OTUD4: variants seen among roughly 807,000 people sequenced by gnomAD.
OTUD4 encodes the protein OTU domain-containing protein 4.
A neutral mutation model predicts 130.4 loss-of-function variants in OTUD4; 24 were observed. The ratio of observed to expected loss-of-function variants is 0.18; its 90% CI spans 0.13 to 0.26. The LOEUF is 0.26. OTUD4 is among the 10% of genes least tolerant of loss of function. The pLI, the probability that OTUD4 is intolerant of heterozygous loss-of-function variation, is 1.00. For missense variants in OTUD4, 1,031 were observed against 1,329.4 expected (o/e 0.78, Z 3.49); for synonymous variants, 420 against 472.5 (o/e 0.89, Z 1.44).
chr4:145,171,651 C>G lies in OTUD4; in HGVS notation c.294+19G>C. The G allele has an allele frequency of 1.8e-6, 2 of 1,089,452 alleles. No individual in the cohort carries two copies. Among genetic ancestry groups the G allele is most frequent in the South Asian group, 1.3e-5 (1 of 77,458 alleles). 67.5% of individuals were successfully genotyped at this position (1,089,452 alleles called of 1,614,324 possible). On this transcript the variant is annotated intron_variant, in intron 3 of 20. Transcript: ENST00000447906. The stretch of plus-strand genomic sequence containing the variant: ...TTGGATATATAAAAATAGAAATATA[C>G]TAGAAGACTGTGACATACCTGTGGA...
intron 3 of OTUD4, among the ~76,000 whole-genome samples, chr4:145,166,580 G>C (rs1355063255): frequency 4.6e-5 from 7 of 151,970 alleles, no homozygotes; most frequent in Non-Finnish European, 8.8e-5. Context: ...GGTGGCTCAC[G>C]CCTGTAATCC....
chr4:145,135,204 ACTT>A lies in OTUD4; in HGVS notation c.*2223_*2225del, dbSNP rs1218440755. The stretch of plus-strand genomic sequence containing the variant: ...CATCTGCTAAAATTCTCTTTCAAGC[ACTT>A]CTTCCATCATATCCTAGAGGTGAGA... On this transcript the variant is annotated 3_prime_UTR_variant, in exon 21 of 21. Coordinates refer to ENST00000447906, the MANE Select transcript of OTUD4 (RefSeq NM_001366057.1). 5.0e-6 allele frequency: 1 copy of A among 199,424 alleles called. No individual in the cohort carries two copies. Among genetic ancestry groups the A allele is most frequent in the Non-Finnish European group, 1.0e-5 (1 of 99,444 alleles). The allele number at this position is 199,424 out of a possible 1,614,324, so 12.4% of individuals were successfully genotyped here. A position where few individuals can be genotyped will look rare whatever the true frequency, so the allele number is the denominator to read the frequency against.
At chr4:145,170,132 C>T (rs974349056) in intron 3 of OTUD4, among the ~76,000 whole-genome samples, 1 of 152,222 alleles carries the variant, frequency 6.6e-6, no homozygotes, top group African/African-American at 2.4e-5. Context: ...AGGCCCCAGG[C>T]CCAGAGGCCC....
At chr4:145,179,731 G>A (rs952684762) in intron 1 of OTUD4, 84 bp downstream of exon 1, 11 of 1,441,980 alleles carry the variant, frequency 7.6e-6, no homozygotes, top group Middle Eastern at 2.5e-4. Flanking sequence ...GGGCGGCCCG[G>A]ACAGCCCGCA....
chr4:145,164,277 T>G, intron 4 of OTUD4, 51 bp from the exon 5 acceptor site: 1 of 867,962 alleles, frequency 1.2e-6, no homozygotes, highest in South Asian at 1.6e-5. Context: ...TTCATGAATT[T>G]GAATTTAATC....
At chr4:145,171,800 C>T in intron 2 of OTUD4, 80 bp from the exon 3 acceptor site, 1 of 739,506 alleles carries the variant, frequency 1.4e-6, no homozygotes, top group Non-Finnish European at 2.5e-6. Flanking sequence ...TAAACATTCA[C>T]TGTGAATTAC....
chr4:145,134,162 G>A lies in OTUD4; in HGVS notation c.*3268C>T, dbSNP rs1017169628. On this transcript the variant is annotated 3_prime_UTR_variant, in exon 21 of 21. Coordinates refer to ENST00000447906, the MANE Select transcript of OTUD4 (RefSeq NM_001366057.1). ...ATCCCAATTAGTGGGAGAGTAAATG[G>A]CTGACATTAGTAGCAAAACCTTAGT... is the stretch of plus-strand genomic sequence containing the variant. 2 of 152,588 alleles carry A rather than the reference G, an allele frequency of 1.3e-5. No homozygotes were observed. Among genetic ancestry groups the A allele is most frequent in the African/African-American group, 4.8e-5 (2 of 41,426 alleles). The allele number at this position is 152,588 out of a possible 1,614,324, so 9.5% of individuals were successfully genotyped here.
At chr4:145,164,333 A>G in intron 4 of OTUD4, 107 bp from the exon 5 acceptor site, 1 of 522,794 alleles carries the variant, frequency 1.9e-6, no homozygotes, top group Non-Finnish European at 3.5e-6. Context: ...GCACTGTCCC[A>G]ACCACTGGAG....
intron 18 of OTUD4, 144 bp downstream of exon 18, chr4:145,142,052 C>T: frequency 1.4e-6 from 1 of 700,356 alleles, no homozygotes; most frequent in Non-Finnish European, 2.5e-6. Context: ...ACATTGGAAG[C>T]AGAGCAAAGC....
At chr4:145,178,025 C>G (rs1449374370) in intron 1 of OTUD4, 1 of 152,210 alleles carries the variant, frequency 6.6e-6, no homozygotes, top group Non-Finnish European at 1.5e-5. Flanking sequence ...AGTTCAAGGT[C>G]TTCAGCTAAG....
At chr4:145,156,951 A>G (rs1459916256) in intron 7 of OTUD4, among the ~76,000 whole-genome samples, 1 of 152,152 alleles carries the variant, frequency 6.6e-6, no homozygotes, top group East Asian at 1.9e-4. Flanking sequence ...ACCCAAGTAT[A>G]CAGAGGGCCA....
rs1176960641 is a variant in OTUD4 at position 145,134,870 on chromosome 4, G to A, written c.*2560C>T. 1.3e-5 allele frequency: 5 copies of A among 398,782 alleles called. No individual in the cohort carries two copies. Among genetic ancestry groups the A allele is most frequent in the Admixed American group, 4.4e-5 (1 of 22,712 alleles). The allele number at this position is 398,782 out of a possible 1,614,324, so 24.7% of individuals were successfully genotyped here. On this transcript the variant is annotated 3_prime_UTR_variant, in exon 21 of 21. Transcript: ENST00000447906. ...TTGGTCAGTCTGTTCTTCAAAATAT[G>A]TATGATCATAATATGGTGAAGTTTC... is the stretch of plus-strand genomic sequence containing the variant.
intron 16 of OTUD4, 111 bp from the exon 17 acceptor site, chr4:145,143,556 C>A (rs1750685369): frequency 4.7e-6 from 3 of 637,980 alleles, no homozygotes; most frequent in East Asian, 2.8e-5. Context: ...AACCCTCTCA[C>A]CACTGAGTAT....
In OTUD4 at chr4:145,180,503, G is replaced by C. The variant is rs1561006203; in HGVS notation, c.-530C>G. Among the ~76,000 whole-genome samples, 1 of 152,378 alleles carries C rather than the reference G, an allele frequency of 6.6e-6. No individual in the cohort carries two copies. Among genetic ancestry groups the C allele is most frequent in the East Asian group, 1.9e-4 (1 of 5,174 alleles). The stretch of plus-strand genomic sequence containing the variant: ...CTCGCTGGAGGGCGCCGGAGGGGCA[G>C]GGAGCGGGTGGGGGCGCCCGGGAGA... On this transcript the variant is annotated 5_prime_UTR_variant, in exon 1 of 21. Transcript: ENST00000447906.
At chr4:145,170,025 A>T (rs1451432363) in intron 3 of OTUD4, among the ~76,000 whole-genome samples, 1 of 152,246 alleles carries the variant, frequency 6.6e-6, no homozygotes, top group East Asian at 1.9e-4. Flanking sequence ...GTACAGGGAA[A>T]GTGATGGAAG....
In OTUD4 at chr4:145,141,485, G is replaced by A. The variant is rs778577405; in HGVS notation, c.1977C>T (p.Ser659=). 6 of 1,612,982 alleles carry A rather than the reference G, an allele frequency of 3.7e-6. No individual in the cohort carries two copies. In the Admixed American group the frequency reaches 8.3e-5, roughly 22 times the overall value. The change falls in exon 19 of 21, where the codon AGC becomes AGT. Residue 659 remains serine (S), a synonymous_variant. Coordinates refer to ENST00000447906, the MANE Select transcript of OTUD4 (RefSeq NM_001366057.1). ...QPLMPLPQTL[S]LYQDPLYPGF... is the part of the protein sequence containing the mutation. ...CAGGATAGAGTGGGTCTTGATAAAG[G>A]CTCAATGTCTGAGGCAAAGGCATCA...
intron 6 of OTUD4, 94 bp from the exon 7 acceptor site, chr4:145,159,729 A>T (rs920702880): frequency 8.4e-7 from 1 of 1,195,194 alleles, no homozygotes; most frequent in African/African-American, 1.5e-5. Flanking sequence ...TCTATTGCTC[A>T]GGCTTTTAAA....
At chr4:145,146,474 A>G (rs1319815681) in intron 13 of OTUD4, 45 bp from the exon 14 acceptor site, 1 of 1,037,704 alleles carries the variant, frequency 9.6e-7, no homozygotes, top group Non-Finnish European at 1.3e-6. Flanking sequence ...AAATAAATAA[A>G]TAAATAAATA....
intron 3 of OTUD4, among the ~76,000 whole-genome samples, chr4:145,165,625 G>A (rs1392177178): frequency 1.3e-5 from 2 of 152,074 alleles, no homozygotes; most frequent in African/African-American, 4.8e-5. Flanking sequence ...TTACAGGCAT[G>A]TGCCACCATG....
Sources: allele counts gnomAD v4.1 joint callset (sites outside exome capture counted in the v4.1 genomes callset), GRCh38; gene constraint gnomAD v4.1.1; transcripts MANE v1.5; gene names NCBI Gene and HGNC (gene_info 2026-07-23, HGNC 2026-07-21).